RPS6KC1: variants seen among roughly 807,000 people sequenced by gnomAD.
The protein encoded by RPS6KC1 is inactive ribosomal protein S6 kinase delta-1.
Under a neutral mutation model 103.8 loss-of-function variants are expected in RPS6KC1, and 54 were observed. The observed-to-expected ratio is 0.52, with a 90% CI of 0.42 to 0.65. The LOEUF (loss-of-function observed/expected upper bound fraction) is 0.65. RPS6KC1 is among the 30% of genes least tolerant of loss of function. The pLI is 0.00. For synonymous variants in RPS6KC1, 439 were observed against 438.7 expected (o/e 1.00, Z -0.01); for missense variants, 1,151 against 1,253.8 (o/e 0.92, Z 1.24).
chr1:213,667,445 TTAAAAAATG>T, the RPS6KC1 span, among the ~76,000 whole-genome samples: 1 of 152,244 alleles, frequency 6.6e-6, no homozygotes, highest in Non-Finnish European at 1.5e-5. Context: ...CATTGTGTTT[TTAAAAAATG>T]TACATACCTT....
At chr1:213,169,906 C>T (rs1321520919) in intron 7 of RPS6KC1, among the ~76,000 whole-genome samples, 2 of 151,748 alleles carry the variant, frequency 1.3e-5, no homozygotes, top group South Asian at 2.1e-4. Flanking sequence ...CTCAGCCTCC[C>T]GAGTAGCTGG....
the RPS6KC1 span, among the ~76,000 whole-genome samples, chr1:213,558,694 A>C: frequency 6.6e-6 from 1 of 152,068 alleles, no homozygotes; most frequent in Non-Finnish European, 1.5e-5. Flanking sequence ...TTCTCCATAC[A>C]TAGTGGACTG....
chr1:213,322,152 A>G, the RPS6KC1 span, among the ~76,000 whole-genome samples: 5 of 152,166 alleles, frequency 3.3e-5, no homozygotes, highest in Non-Finnish European at 7.4e-5. Flanking sequence ...CTAAAAATAC[A>G]AAAATTAGCC....
chr1:213,196,077 A>G (rs2092935649), intron 8 of RPS6KC1, among the ~76,000 whole-genome samples: 1 of 152,156 alleles, frequency 6.6e-6, no homozygotes, highest in African/African-American at 2.4e-5. Context: ...TAATGGTTAT[A>G]CTAGTTTACA....
At chr1:213,170,047 G>A (rs2091352513) in intron 7 of RPS6KC1, among the ~76,000 whole-genome samples, 1 of 152,110 alleles carries the variant, frequency 6.6e-6, no homozygotes, top group Admixed American at 6.5e-5. Context: ...CTCGCAAAGT[G>A]CTTGTGATTA....
At chr1:213,248,270 A>G (rs1241038184) in intron 12 of RPS6KC1, among the ~76,000 whole-genome samples, 4 of 152,164 alleles carry the variant, frequency 2.6e-5, no homozygotes, top group African/African-American at 9.7e-5. Context: ...TAAAATATTT[A>G]TGGTTAATAT....
chr1:213,279,134 G>C (rs2095118125), downstream of RPS6KC1, among the ~76,000 whole-genome samples: 1 of 152,126 alleles, frequency 6.6e-6, no homozygotes, highest in Admixed American at 6.5e-5. Context: ...CATTATTGCA[G>C]CCTACAGTTA....
chr1:213,326,919 T>C, the RPS6KC1 span, among the ~76,000 whole-genome samples: 1 of 152,228 alleles, frequency 6.6e-6, no homozygotes. Context: ...GGTTTTACCA[T>C]TTATTTGATC....
At chr1:213,085,849 TC>T (rs749159326) in intron 3 of RPS6KC1, among the ~76,000 whole-genome samples, 4 of 152,210 alleles carry the variant, frequency 2.6e-5, no homozygotes, top group Non-Finnish European at 5.9e-5. Context: ...TCACAAATTG[TC>T]CCAGCTTTGA....
the RPS6KC1 span, among the ~76,000 whole-genome samples, chr1:213,789,912 A>C: frequency 6.6e-6 from 1 of 150,864 alleles, no homozygotes; most frequent in Non-Finnish European, 1.5e-5. Flanking sequence ...TGTTGTGTTC[A>C]AGGCCAGGAA....
At chr1:213,691,231 A>G in the RPS6KC1 span, among the ~76,000 whole-genome samples, 1 of 152,204 alleles carries the variant, frequency 6.6e-6, no homozygotes, top group Non-Finnish European at 1.5e-5. Flanking sequence ...CTCAGCTTTA[A>G]TTGAAAATCC....
chr1:213,299,301 G>A, the RPS6KC1 span, among the ~76,000 whole-genome samples: 1 of 152,158 alleles, frequency 6.6e-6, no homozygotes, highest in Non-Finnish European at 1.5e-5. Context: ...TGTAATCCTA[G>A]CACTTTGGGA....
the RPS6KC1 span, among the ~76,000 whole-genome samples, chr1:213,327,236 AAAAGAAAGAAAG>A: frequency 1.4e-5 from 2 of 144,586 alleles, no homozygotes; most frequent in African/African-American, 5.2e-5. Context: ...GAAAGAAAAG[AAAAGAAAGAAAG>A]AAAGAAAGAA....
At chr1:213,105,574 C>T (rs537469133) in intron 4 of RPS6KC1, among the ~76,000 whole-genome samples, 2 of 152,086 alleles carry the variant, frequency 1.3e-5, no homozygotes, top group South Asian at 4.1e-4. Context: ...GTTTTATCTA[C>T]TGAAGAAAGT....
At chr1:213,180,658 A>T (rs1254979420) in intron 8 of RPS6KC1, among the ~76,000 whole-genome samples, 1 of 152,184 alleles carries the variant, frequency 6.6e-6, no homozygotes, top group Non-Finnish European at 1.5e-5. Flanking sequence ...GGAGAGAAGA[A>T]ATTAGCGGAA....
intron 1 of RPS6KC1, among the ~76,000 whole-genome samples, chr1:213,064,066 A>AT (rs1221357771): frequency 6.6e-6 from 1 of 151,742 alleles, no homozygotes; most frequent in Non-Finnish European, 1.5e-5. Flanking sequence ...ATTTTTATTT[A>AT]TTTTTTTTGA....
chr1:213,328,504 CTATATATATATATATATATATATATA>C, the RPS6KC1 span, among the ~76,000 whole-genome samples: 7 of 101,446 alleles, frequency 6.9e-5, no homozygotes, highest in Admixed American at 7.6e-4. Context: ...AGCCATTATA[CTATATATATATATATATATATATATA>C]TATATATATA....
At chr1:213,144,454 T>C (rs1352164713) in intron 6 of RPS6KC1, among the ~76,000 whole-genome samples, 1 of 151,990 alleles carries the variant, frequency 6.6e-6, no homozygotes, top group East Asian at 1.9e-4. Context: ...AATCTTACTA[T>C]GTTGCCTAGG....
chr1:213,623,077 T>G, the RPS6KC1 span, among the ~76,000 whole-genome samples: 2 of 152,156 alleles, frequency 1.3e-5, no homozygotes, highest in Non-Finnish European at 2.9e-5. Context: ...AAGCATTTTG[T>G]TCTCTAGGCC....
Sources: gnomAD v4.1 joint callset for allele counts (sites outside exome capture counted in the v4.1 genomes callset) on GRCh38, gnomAD v4.1.1 for gene constraint, MANE v1.5 for transcripts, NCBI Gene and HGNC (gene_info 2026-07-23, HGNC 2026-07-21) for gene names.